SCD5: variants seen among roughly 807,000 people sequenced by gnomAD.
The protein encoded by SCD5 is stearoyl-CoA desaturase 5.
A neutral mutation model predicts 30.4 loss-of-function variants in SCD5; 20 were observed. The observed-to-expected ratio is 0.66, with a 90% confidence interval of 0.46 to 0.96. The LOEUF (loss-of-function observed/expected upper bound fraction) is 0.96. SCD5 is among the 40% of genes least tolerant of loss of function. The pLI, the probability that SCD5 is intolerant of heterozygous loss-of-function variation, is 0.00. For synonymous variants in SCD5, 173 were observed against 176.4 expected (o/e 0.98, Z 0.16); for missense variants, 381 against 443.3 (o/e 0.86, Z 1.26).
At chr4:82,788,460 G>A (rs1383630664) in intron 1 of SCD5, among the ~76,000 whole-genome samples, 1 of 152,082 alleles carries the variant, frequency 6.6e-6, no homozygotes, top group African/African-American at 2.4e-5. Context: ...GCATGATCTC[G>A]GCTCACTGCA....
At chr4:82,797,493 C>T (rs542742438) in intron 1 of SCD5, among the ~76,000 whole-genome samples, 4 of 150,668 alleles carry the variant, frequency 2.7e-5, no homozygotes, top group African/African-American at 9.8e-5. Flanking sequence ...GTGGTCGGCG[C>T]CCGGGCTCCC....
intron 3 of SCD5, among the ~76,000 whole-genome samples, chr4:82,645,889 CT>C (rs1727625415): frequency 6.6e-6 from 1 of 152,208 alleles, no homozygotes; most frequent in South Asian, 2.1e-4. Context: ...CATCTTCAAA[CT>C]CTCATTTTTC....
At chr4:82,701,467 T>C (rs887307202) in intron 2 of SCD5, among the ~76,000 whole-genome samples, 2 of 151,802 alleles carry the variant, frequency 1.3e-5, no homozygotes, top group African/African-American at 4.8e-5. Flanking sequence ...GTGTGAATGG[T>C]CTAAATATAC....
intron 2 of SCD5, chr4:82,692,302 C>A: frequency 6.5e-6 from 1 of 154,676 alleles, no homozygotes; most frequent in South Asian, 1.8e-4. Flanking sequence ...AGGGCAGTGC[C>A]CTCGGGACCA....
intron 4 of SCD5, 114 bp from the exon 5 acceptor site, chr4:82,631,631 T>C: frequency 8.9e-7 from 1 of 1,118,680 alleles, no homozygotes; most frequent in South Asian, 1.7e-5. Context: ...TCAGCCTCTG[T>C]GAGGAGCAAA....
intron 1 of SCD5, among the ~76,000 whole-genome samples, chr4:82,746,395 G>C (rs1328636351): frequency 6.6e-6 from 1 of 152,192 alleles, no homozygotes; most frequent in Non-Finnish European, 1.5e-5. Context: ...GTCTTTCCTG[G>C]AGAGAATTCT....
At chr4:82,646,474 T>C (rs1727636462) in intron 3 of SCD5, among the ~76,000 whole-genome samples, 1 of 152,152 alleles carries the variant, frequency 6.6e-6, no homozygotes, top group South Asian at 2.1e-4. Flanking sequence ...TTCCAAACTT[T>C]TTGAATTGTT....
At chr4:82,646,382 T>G (rs1506604) in intron 3 of SCD5, among the ~76,000 whole-genome samples, 139,090 of 152,198 alleles carry the variant, frequency 0.91, 63,632 homozygotes, top group East Asian at 1. Context: ...CCACAGGGAA[T>G]TGAAATATGT....
chr4:82,661,014 A>C, intron 3 of SCD5: 1 of 1,614,074 alleles, frequency 6.2e-7, no homozygotes, highest in Non-Finnish European at 8.5e-7. Context: ...GATGCCATTC[A>C]CGAAGCATCT....
At chr4:82,660,000 AAAAAT>A (rs1727952215) in intron 3 of SCD5, 1 of 150,154 alleles carries the variant, frequency 6.7e-6, no homozygotes, top group South Asian at 2.1e-4. Context: ...AAAAAAAAAA[AAAAAT>A]AGCAGGGGTT....
intron 3 of SCD5, among the ~76,000 whole-genome samples, chr4:82,644,233 G>A (rs1396304143): frequency 6.6e-6 from 1 of 152,128 alleles, no homozygotes; most frequent in Non-Finnish European, 1.5e-5. Flanking sequence ...CGTTGTCCAG[G>A]CCTGGTCCCC....
At chr4:82,701,627 T>C (rs1406866525) in intron 2 of SCD5, among the ~76,000 whole-genome samples, 1 of 152,234 alleles carries the variant, frequency 6.6e-6, no homozygotes, top group Non-Finnish European at 1.5e-5. Flanking sequence ...TATCCACTAA[T>C]TAGCTGTGTG....
At chr4:82,729,092 T>A (rs1720570651) in intron 1 of SCD5, among the ~76,000 whole-genome samples, 1 of 152,162 alleles carries the variant, frequency 6.6e-6, no homozygotes, top group African/African-American at 2.4e-5. Context: ...ACCTCACCAA[T>A]CCACCTCACA....
At chr4:82,687,876 A>T (rs1728745227) in intron 2 of SCD5, among the ~76,000 whole-genome samples, 1 of 152,238 alleles carries the variant, frequency 6.6e-6, no homozygotes, top group South Asian at 2.1e-4. Context: ...TCTCGAATCT[A>T]GTCATCTAAA....
At chr4:82,786,157 G>C (rs1721982258) in intron 1 of SCD5, among the ~76,000 whole-genome samples, 1 of 152,200 alleles carries the variant, frequency 6.6e-6, no homozygotes, top group South Asian at 2.1e-4. Context: ...GTTCCTTTCA[G>C]TTATGAAAGG....
intron 2 of SCD5, among the ~76,000 whole-genome samples, chr4:82,690,218 T>C (rs546750061): frequency 3.3e-5 from 5 of 152,276 alleles, no homozygotes; most frequent in Non-Finnish European, 7.4e-5. Context: ...AGGGGCATGA[T>C]GTCTATAACT....
chr4:82,727,665 C>G (rs1273376578), intron 1 of SCD5, among the ~76,000 whole-genome samples: 1 of 152,162 alleles, frequency 6.6e-6, no homozygotes, highest in Non-Finnish European at 1.5e-5. Context: ...CTAGGAAAGT[C>G]TAGCTTCTCT....
At chr4:82,779,519 G>C (rs1382464864) in intron 1 of SCD5, among the ~76,000 whole-genome samples, 6 of 152,234 alleles carry the variant, frequency 3.9e-5, no homozygotes, top group Non-Finnish European at 7.3e-5. Context: ...CACCAGGCAT[G>C]CATCAGTGGG....
At chr4:82,780,571 C>T (rs1034757193) in intron 1 of SCD5, among the ~76,000 whole-genome samples, 6 of 152,244 alleles carry the variant, frequency 3.9e-5, no homozygotes, top group South Asian at 2.1e-4. Flanking sequence ...CAAATCTGAA[C>T]AGAGACTAAA....
Sources: allele counts gnomAD v4.1 joint callset (sites outside exome capture counted in the v4.1 genomes callset), GRCh38; gene constraint gnomAD v4.1.1; transcripts MANE v1.5; gene names NCBI Gene and HGNC (gene_info 2026-07-23, HGNC 2026-07-21).